Variants in GOLT1A observed in about 807,000 individuals in gnomAD.
The protein encoded by GOLT1A is golgi transport 1A, also known as vesicle transport protein GOT1A.
Under a neutral mutation model 16.1 loss-of-function variants are expected in GOLT1A, and 10 were observed. The observed-to-expected ratio is 0.62, with a 90% confidence interval of 0.38 to 1.05. The LOEUF is 1.05. Among genes scored for constraint, GOLT1A ranks in the 50% least tolerant of loss-of-function variants. The pLI is 0.01. For missense variants in GOLT1A, 137 were observed against 165.7 expected (o/e 0.83, Z 0.95); for synonymous variants, 60 against 67.9 (o/e 0.88, Z 0.57).
At chr1:204,213,244 AACACAGTGCTTGGC>A (rs1313593674) in intron 1 of GOLT1A, among the ~76,000 whole-genome samples, 1 of 152,218 alleles carries the variant, frequency 6.6e-6, no homozygotes, top group Non-Finnish European at 1.5e-5. Context: ...CTCTATATCC[AACACAGTGCTTGGC>A]ACACAGCAGA....
intron 1 of GOLT1A, 94 bp downstream of exon 1, chr1:204,213,788 G>C: frequency 7.0e-7 from 1 of 1,425,616 alleles, no homozygotes. Context: ...CAGAGGTCAC[G>C]CTTGTAGTGA....
At chr1:204,199,033 G>A (rs1296275282) in intron 4 of GOLT1A, 162 bp downstream of exon 4, 3 of 625,734 alleles carry the variant, frequency 4.8e-6, no homozygotes, top group South Asian at 2.0e-5. Context: ...AGAAGGTGCG[G>A]GGGGAAGAGG....
chr1:204,208,477 T>TATATATATATATATATA lies in GOLT1A; in HGVS notation c.25+5388_25+5404dup, dbSNP rs1491478179. Among the ~76,000 whole-genome samples the TATATATATATATATATA allele has an allele frequency of 4.7e-3, 61 of 12,856 alleles. 1 individual carries two copies. Among genetic ancestry groups the TATATATATATATATATA allele is most frequent in the African/African-American group, 0.011 (58 of 5,496 alleles). 8.4% of individuals were successfully genotyped at this position (12,856 alleles called of 152,430 possible). On this transcript the variant is annotated intron_variant, in intron 1 of 4. Coordinates refer to ENST00000308302, the MANE Select transcript of GOLT1A (RefSeq NM_198447.2). ...ATGTATACTTGTGTGTGTGTGTGTG[T>TATATATATATATATATA]ATATATATATATATATATATATATA...
In GOLT1A at chr1:204,198,515, A is replaced by G; in HGVS notation, c.361-19T>C. On this transcript the variant is annotated intron_variant, in intron 4 of 4. Transcript: ENST00000308302. ...GGAACAGCTGTGGGAGCCAAGAATCATTACTCCACACAAAGGGTAGAGAGC... is the reference window on the plus strand; with the variant it reads ...GGAACAGCTGTGGGAGCCAAGAATCGTTACTCCACACAAAGGGTAGAGAGC... The G allele has an allele frequency of 6.2e-7, 1 of 1,611,462 alleles. No homozygotes were observed. The highest frequency in any genetic ancestry group is 2.2e-5 in the East Asian group (1 of 44,850).
At chr1:204,198,746 G>A (rs887891310) in intron 4 of GOLT1A, among the ~76,000 whole-genome samples, 1 of 152,144 alleles carries the variant, frequency 6.6e-6, no homozygotes, top group East Asian at 1.9e-4. Context: ...CTGGATACCA[G>A]TGGCTGTGCC....
chr1:204,202,799 A>C, intron 2 of GOLT1A, 97 bp downstream of exon 2: 2 of 876,858 alleles, frequency 2.3e-6, no homozygotes, highest in Non-Finnish European at 1.9e-6. Flanking sequence ...TAAAGACTTA[A>C]ATAAACTGTA....
chr1:204,202,443 C>A (rs181047744), intron 2 of GOLT1A, among the ~76,000 whole-genome samples: 20 of 152,074 alleles, frequency 1.3e-4, no homozygotes, highest in Admixed American at 4.6e-4. Context: ...ATTTCCTTTC[C>A]AAATTCCTCT....
chr1:204,209,146 T>G (rs1175495301), intron 1 of GOLT1A, among the ~76,000 whole-genome samples: 1 of 152,238 alleles, frequency 6.6e-6, no homozygotes, highest in Non-Finnish European at 1.5e-5. Context: ...CCATTTGGGT[T>G]TGTCGGATGT....
chr1:204,204,548 G>A (rs548507056), intron 1 of GOLT1A, among the ~76,000 whole-genome samples: 46 of 152,142 alleles, frequency 3.0e-4, no homozygotes, highest in Non-Finnish European at 6.0e-4. Flanking sequence ...CCATTCATCT[G>A]TTGATGGACA....
intron 1 of GOLT1A, 62 bp downstream of exon 1, chr1:204,213,820 A>G: frequency 1.3e-6 from 2 of 1,579,920 alleles, no homozygotes; most frequent in South Asian, 2.3e-5. Context: ...GCTGGGAGAG[A>G]GAGCCAGCCG....
At chr1:204,205,995 G>T (rs1016267983) in intron 1 of GOLT1A, among the ~76,000 whole-genome samples, 1 of 152,126 alleles carries the variant, frequency 6.6e-6, no homozygotes, top group African/African-American at 2.4e-5. Flanking sequence ...GCTTGAACCC[G>T]GGAGGTGGAG....
chr1:204,200,299 G>GTGTGTATATATA, intron 3 of GOLT1A, among the ~76,000 whole-genome samples: 11 of 82,682 alleles, frequency 1.3e-4, no homozygotes, highest in East Asian at 8.0e-4. Flanking sequence ...ACATATATGT[G>GTGTGTATATATA]TATATATATA....
chr1:204,206,125 A>G (rs1486513610), intron 1 of GOLT1A, among the ~76,000 whole-genome samples: 1 of 152,120 alleles, frequency 6.6e-6, no homozygotes, highest in East Asian at 1.9e-4. Context: ...CAAATTATAG[A>G]CTGAAACCTT....
chr1:204,202,476 G>T (rs1489145122), intron 2 of GOLT1A, among the ~76,000 whole-genome samples: 1 of 151,764 alleles, frequency 6.6e-6, no homozygotes, highest in Admixed American at 6.6e-5. Flanking sequence ...AATTCAGTGT[G>T]CCCTCTTTCC....
chr1:204,200,016 TG>T (rs1658926870), intron 3 of GOLT1A, among the ~76,000 whole-genome samples: 1 of 152,128 alleles, frequency 6.6e-6, no homozygotes, highest in Non-Finnish European at 1.5e-5. Context: ...AGCTGTAATT[TG>T]TTTGCCTCCT....
At chr1:204,202,358 T>C (rs1658976925) in intron 2 of GOLT1A, among the ~76,000 whole-genome samples, 2 of 151,834 alleles carry the variant, frequency 1.3e-5, no homozygotes, top group South Asian at 4.2e-4. Flanking sequence ...TATCCCATGC[T>C]TCCCTGCTCC....
chr1:204,212,191 T>C (rs1364485097), intron 1 of GOLT1A, among the ~76,000 whole-genome samples: 1 of 152,060 alleles, frequency 6.6e-6, no homozygotes, highest in Non-Finnish European at 1.5e-5. Flanking sequence ...GGCTAAAAAA[T>C]ATACAAGGCA....
At chr1:204,211,766 T>C (rs1308076834) in intron 1 of GOLT1A, among the ~76,000 whole-genome samples, 2 of 152,046 alleles carry the variant, frequency 1.3e-5, no homozygotes, top group Non-Finnish European at 2.9e-5. Flanking sequence ...GGGATGGAAA[T>C]TTGTTTCCCA....
At chr1:204,211,245 G>C (rs1378264754) in intron 1 of GOLT1A, among the ~76,000 whole-genome samples, 4 of 151,742 alleles carry the variant, frequency 2.6e-5, no homozygotes. Context: ...ACTCCTTCAC[G>C]GCTGCCCACT....
Sources: allele counts gnomAD v4.1 joint callset (sites outside exome capture counted in the v4.1 genomes callset), GRCh38; gene constraint gnomAD v4.1.1; transcripts MANE v1.5; gene names NCBI Gene and HGNC (gene_info 2026-07-23, HGNC 2026-07-21).